The following PCDHGA1 variants were observed in gnomAD, a reference collection of about 807,000 sequenced individuals.
The protein encoded by PCDHGA1 is protocadherin gamma-A1.
In PCDHGA1, 32 loss-of-function variants were observed where a neutral mutation model predicts 58.0. That is an observed-to-expected ratio of 0.55 (90% CI 0.42 to 0.74). The LOEUF (loss-of-function observed/expected upper bound fraction) is 0.74, where lower values mean the gene tolerates loss of function less well. PCDHGA1 is among the 30% of genes least tolerant of loss of function. PCDHGA1 has a pLI of 0.00. For synonymous variants in PCDHGA1, 498 were observed against 501.1 expected (o/e 0.99, Z 0.08); for missense variants, 1,205 against 1,182.3 (o/e 1.02, Z -0.28).
chr5:141,360,228 C>T, intron 1 of PCDHGA1: 1 of 1,613,842 alleles, frequency 6.2e-7, no homozygotes, highest in African/African-American at 1.3e-5. Context: ...CTCTCCCAGT[C>T]CAGATCCGCT....
intron 1 of PCDHGA1, among the ~76,000 whole-genome samples, chr5:141,470,212 C>A (rs756256854): frequency 2.0e-5 from 3 of 152,116 alleles, no homozygotes; most frequent in Non-Finnish European, 4.4e-5. Context: ...AAGGCTAAAC[C>A]ATTCAGCTTC....
chr5:141,351,866 C>G (rs750513233), intron 1 of PCDHGA1: 1 of 1,613,268 alleles, frequency 6.2e-7, no homozygotes, highest in South Asian at 1.1e-5. Flanking sequence ...CCAGGGCTCC[C>G]CCGCGCTCAG....
intron 1 of PCDHGA1, among the ~76,000 whole-genome samples, chr5:141,494,382 G>C (rs1311387598): frequency 6.6e-6 from 1 of 152,182 alleles, no homozygotes; most frequent in Non-Finnish European, 1.5e-5. Flanking sequence ...CCCAGCTGAG[G>C]AGTTGAATAA....
intron 1 of PCDHGA1, among the ~76,000 whole-genome samples, chr5:141,406,468 T>C (rs2094813433): frequency 6.6e-6 from 1 of 152,230 alleles, no homozygotes; most frequent in Admixed American, 6.5e-5. Flanking sequence ...AACACCTCTT[T>C]GAGGTTATAT....
At chr5:141,495,213 C>T (rs568314100) in intron 2 of PCDHGA1, among the ~76,000 whole-genome samples, 1 of 152,326 alleles carries the variant, frequency 6.6e-6, no homozygotes, top group South Asian at 2.1e-4. Flanking sequence ...AACCCCCTCC[C>T]CTGAGTTGAG....
At chr5:141,365,011 C>T (rs372758360) in intron 1 of PCDHGA1, 64 of 1,613,820 alleles carry the variant, frequency 4.0e-5, no homozygotes, top group African/African-American at 6.7e-5. Context: ...GCACCACGCA[C>T]ATCCGTGTTA....
chr5:141,342,394 T>C (rs570312446), intron 1 of PCDHGA1: 2 of 152,320 alleles, frequency 1.3e-5, no homozygotes, highest in East Asian at 1.9e-4. Flanking sequence ...ATGTATTTAA[T>C]AACAGAGAAT....
At chr5:141,395,093 C>CT (rs2093169149) in intron 1 of PCDHGA1, 4 of 1,614,040 alleles carry the variant, frequency 2.5e-6, no homozygotes, top group Non-Finnish European at 3.4e-6. Flanking sequence ...TCTCCCTCAC[C>CT]GCCGACTCGC....
chr5:141,393,650 C>A, intron 1 of PCDHGA1: 1 of 1,613,906 alleles, frequency 6.2e-7, no homozygotes, highest in Non-Finnish European at 8.5e-7. Context: ...AAGTGGCATA[C>A]AAATTCCGGA....
At chr5:141,360,065 CT>C in intron 1 of PCDHGA1, 1 of 1,464,436 alleles carries the variant, frequency 6.8e-7, no homozygotes, top group Non-Finnish European at 9.0e-7. Flanking sequence ...GAAAAGTGAC[CT>C]TAGCCCGGAT....
At chr5:141,382,679 C>G in intron 1 of PCDHGA1, 1 of 439,974 alleles carries the variant, frequency 2.3e-6, no homozygotes, top group South Asian at 6.8e-5. Flanking sequence ...GTTCACCAAC[C>G]AGGGAAAAAT....
At chr5:141,355,012 A>T in intron 1 of PCDHGA1, 1 of 841,198 alleles carries the variant, frequency 1.2e-6, no homozygotes. Context: ...ACAAACCAGA[A>T]ATTTAATCAG....
At position 141,383,195 on chromosome 5, in the gene PCDHGA1, G is replaced by A. The variant is rs765730698; in HGVS notation, c.2421+50090G>A. On this transcript the variant is annotated intron_variant, in intron 1 of 3. Transcript: ENST00000517417. ...GACCGGGAAGAGATCTGCGCTCAGA[G>A]TGCGCGGTGTCTGGTAAACTTTAAC... 18 of 1,614,044 alleles carry A rather than the reference G, an allele frequency of 1.1e-5. No homozygotes were observed. Among genetic ancestry groups the A allele is most frequent in the Non-Finnish European group, 1.5e-5 (18 of 1,179,940 alleles).
At chr5:141,407,967 T>C (rs1589649755) in intron 1 of PCDHGA1, 2 of 705,496 alleles carry the variant, frequency 2.8e-6, no homozygotes, top group South Asian at 2.3e-5. Flanking sequence ...GAGCAAGCGC[T>C]GACGCCGGGG....
At chr5:141,510,349 C>T (rs1461596705) in intron 3 of PCDHGA1, among the ~76,000 whole-genome samples, 1 of 148,468 alleles carries the variant, frequency 6.7e-6, no homozygotes, top group Non-Finnish European at 1.5e-5. Context: ...CACACACTTA[C>T]TAACGGAACT....
At chr5:141,361,203 A>G (rs1192913836) in intron 1 of PCDHGA1, 4 of 1,613,850 alleles carry the variant, frequency 2.5e-6, no homozygotes, top group Non-Finnish European at 3.4e-6. Flanking sequence ...CTACTCCCCT[A>G]CCGGAGGATT....
At chr5:141,382,770 C>T in intron 1 of PCDHGA1, 7 of 734,404 alleles carry the variant, frequency 9.5e-6, no homozygotes, top group Non-Finnish European at 1.5e-5. Context: ...TTCCAGGCTG[C>T]ACTAAACTCA....
intron 1 of PCDHGA1, chr5:141,345,112 G>T: frequency 6.2e-7 from 1 of 1,613,964 alleles, no homozygotes; most frequent in Non-Finnish European, 8.5e-7. Flanking sequence ...CCAGAAGAGG[G>T]CACCGTTGGA....
At chr5:141,465,826 T>A (rs1402342209) in intron 1 of PCDHGA1, among the ~76,000 whole-genome samples, 1 of 151,994 alleles carries the variant, frequency 6.6e-6, no homozygotes, top group Non-Finnish European at 1.5e-5. Context: ...CACATTTGTT[T>A]AAAATTTCAA....
Sources: gnomAD v4.1 joint callset for allele counts (sites outside exome capture counted in the v4.1 genomes callset) on GRCh38, gnomAD v4.1.1 for gene constraint, MANE v1.5 for transcripts, NCBI Gene and HGNC (gene_info 2026-07-23, HGNC 2026-07-21) for gene names.